Variants in SCGB2B2 observed in about 807,000 individuals in gnomAD.
SCGB2B2 encodes secretoglobin family 2B member 2.
SCGB2B2 carries 11 observed loss-of-function variants against 7.6 expected under a neutral mutation model. The ratio of observed to expected loss-of-function variants is 1.45; its 90% CI spans 0.91 to 2.40. SCGB2B2 has a LOEUF of 2.40. Ranked by LOEUF, SCGB2B2 falls within the 30% of genes most tolerant of loss-of-function variation. The probability of loss-of-function intolerance (pLI) is 0.00; values close to 1 mark genes in which losing one functional copy is unlikely to be tolerated. For synonymous variants in SCGB2B2, 50 were observed against 48.6 expected (o/e 1.03, Z -0.12); for missense variants, 104 against 115.4 (o/e 0.90, Z 0.45).
chr19:34,597,990 G>T (rs2145762497), intron 1 of SCGB2B2, among the ~76,000 whole-genome samples: 1 of 152,270 alleles, frequency 6.6e-6, no homozygotes, highest in South Asian at 2.1e-4. Flanking sequence ...AGAGAATGGA[G>T]GGGTCGGGGA....
intron 1 of SCGB2B2, among the ~76,000 whole-genome samples, chr19:34,664,825 C>CT (rs1168401379): frequency 1.3e-5 from 2 of 152,022 alleles, no homozygotes; most frequent in Admixed American, 6.5e-5. Flanking sequence ...CCATCACCCC[C>CT]ACTTAGAGGC....
intron 1 of SCGB2B2, among the ~76,000 whole-genome samples, chr19:34,658,298 A>G (rs2067339025): frequency 6.6e-6 from 1 of 152,212 alleles, no homozygotes; most frequent in South Asian, 2.1e-4. Flanking sequence ...AAAAAAAATC[A>G]ATGAATCCAG....
chr19:34,665,987 T>C (rs533169281), intron 1 of SCGB2B2, among the ~76,000 whole-genome samples: 17 of 152,218 alleles, frequency 1.1e-4, no homozygotes, highest in African/African-American at 3.9e-4. Context: ...CCAGGTCCTC[T>C]GTTCCCTGAC....
chr19:34,643,532 C>G (rs761285054), intron 1 of SCGB2B2, among the ~76,000 whole-genome samples: 18 of 152,082 alleles, frequency 1.2e-4, no homozygotes, highest in Admixed American at 2.0e-4. Context: ...TAACTAACAA[C>G]CAAACATTGT....
At chr19:34,637,723 A>T (rs2066725280) in intron 1 of SCGB2B2, 1 of 151,610 alleles carries the variant, frequency 6.6e-6, no homozygotes, top group Admixed American at 6.6e-5. Flanking sequence ...TAAGGCAAAA[A>T]CTCTCTCTAG....
intron 1 of SCGB2B2, chr19:34,634,695 AT>A (rs996529819): frequency 9.0e-4 from 137 of 151,592 alleles, no homozygotes; most frequent in East Asian, 4.3e-3. Context: ...CTCCAGTGTG[AT>A]TTTTTTTTTA....
In SCGB2B2 at chr19:34,593,571, A is replaced by G. The variant is rs888654311; in HGVS notation, c.275T>C (p.Ile92Thr). The G allele has an allele frequency of 7.1e-6, 11 of 1,553,816 alleles. No individual in the cohort carries two copies. Among genetic ancestry groups the G allele is most frequent in the Middle Eastern group, 1.8e-4 (1 of 5,622 alleles). ...IKKILQSNDCIEAAF is the reference protein window; with the variant it reads ...IKKILQSNDCTEAAF ...GTCCTCAGATCAGAAGGCTGCTTCTATGCAATCGTTGCTCTGAAGGATCTT... is the reference window on the plus strand; with the variant it reads ...GTCCTCAGATCAGAAGGCTGCTTCTGTGCAATCGTTGCTCTGAAGGATCTT... Residue 92 changes from isoleucine (I) to threonine (T), a missense_variant, in exon 4 of 4, where the codon ATA becomes ACA. Ile to Thr is a moderately conservative substitution (Grantham distance 89, BLOSUM62 -1). Transcript: ENST00000601241.
At chr19:34,590,342 C>T (rs1254985440), downstream of SCGB2B2, among the ~76,000 whole-genome samples, 1 of 151,942 alleles carries the variant, frequency 6.6e-6, no homozygotes, top group Non-Finnish European at 1.5e-5. Context: ...TTCCATCCAT[C>T]CATGCACTCA....
rs537656704 is a variant in SCGB2B2, at chr19:34,594,157, C to A, written c.246+18G>T. The A allele has an allele frequency of 1.9e-6, 3 of 1,599,500 alleles. No individual in the cohort carries two copies. In the East Asian group the frequency reaches 6.7e-5, roughly 36 times the overall value. On this transcript the variant is annotated intron_variant, in intron 3 of 3. Transcript: ENST00000601241. ...GTGTGGCCATGTAGTGTGTGCAGGT[C>A]CCCCCGGGCACACTCACAATAACAA...
chr19:34,624,851 A>C (rs942308116), intron 1 of SCGB2B2, among the ~76,000 whole-genome samples: 9 of 152,318 alleles, frequency 5.9e-5, no homozygotes, highest in Admixed American at 2.0e-4. Context: ...CTGTCCCCTG[A>C]ATCTTGTAAG....
chr19:34,628,834 C>G (rs907184192), intron 1 of SCGB2B2, among the ~76,000 whole-genome samples: 1 of 151,868 alleles, frequency 6.6e-6, no homozygotes, highest in Non-Finnish European at 1.5e-5. Context: ...AATTTTAGAC[C>G]AATATCGTTG....
chr19:34,625,510 C>A (rs1568434625), intron 1 of SCGB2B2, among the ~76,000 whole-genome samples: 1 of 152,200 alleles, frequency 6.6e-6, no homozygotes, highest in Admixed American at 6.5e-5. Context: ...AACCACGGAG[C>A]CTCGCTCATT....
rs141807458 is a variant in SCGB2B2, at chr19:34,602,532, C to T, written c.-2031-5938G>A. Reference sequence around the variant, plus strand: ...ATGGCCTTTTCTGGATTGCATCATTCGGCTACGTTGCCCTTTGTTTTTTTG... The same window carrying T: ...ATGGCCTTTTCTGGATTGCATCATTTGGCTACGTTGCCCTTTGTTTTTTTG... On this transcript the variant is annotated intron_variant, in intron 1 of 3. Coordinates refer to ENST00000601241, the MANE Select transcript of SCGB2B2 (RefSeq NM_001025591.4). 1.6e-3 allele frequency among the ~76,000 whole-genome samples: 250 copies of T among 152,234 alleles called. 2 individuals carry two copies. The highest frequency in any genetic ancestry group is 5.5e-3 in the African/African-American group (229 of 41,524).
chr19:34,606,513 TTTTC>T (rs765088413), intron 1 of SCGB2B2, among the ~76,000 whole-genome samples: 7 of 143,144 alleles, frequency 4.9e-5, no homozygotes, highest in Non-Finnish European at 6.2e-5. Context: ...TTTCTTTTCT[TTTTC>T]TTTTTTTTTT....
intron 1 of SCGB2B2, among the ~76,000 whole-genome samples, chr19:34,607,415 T>C (rs939882394): frequency 6.6e-6 from 1 of 152,238 alleles, no homozygotes. Flanking sequence ...AATGCTTCAA[T>C]GAACCTAGGG....
chr19:34,625,863 A>G (rs1001680112), intron 1 of SCGB2B2, among the ~76,000 whole-genome samples: 1 of 152,178 alleles, frequency 6.6e-6, no homozygotes, highest in Non-Finnish European at 1.5e-5. Context: ...AATGGGAGGC[A>G]CCCACCAGTA....
At chr19:34,590,389 CCATCCATT>C (rs56239676), downstream of SCGB2B2, among the ~76,000 whole-genome samples, 50,132 of 151,464 alleles carry the variant, frequency 0.33, 10,260 homozygotes, top group Admixed American at 0.47. Context: ...GTTCATCCAT[CCATCCATT>C]CATCCATTCA....
At chr19:34,623,012 A>G (rs1439703138) in intron 1 of SCGB2B2, among the ~76,000 whole-genome samples, 3 of 151,688 alleles carry the variant, frequency 2.0e-5, no homozygotes, top group Admixed American at 2.0e-4. Context: ...TACGCATTTG[A>G]AAGAGTTTTC....
intron 1 of SCGB2B2, among the ~76,000 whole-genome samples, chr19:34,662,917 A>G (rs1481453373): frequency 6.6e-6 from 1 of 152,094 alleles, no homozygotes; most frequent in Non-Finnish European, 1.5e-5. Context: ...GGCGGCTGAG[A>G]GAGACCCTGT....
Sources: gnomAD v4.1 joint callset for allele counts (sites outside exome capture counted in the v4.1 genomes callset) on GRCh38, gnomAD v4.1.1 for gene constraint, MANE v1.5 for transcripts, NCBI Gene and HGNC (gene_info 2026-07-23, HGNC 2026-07-21) for gene names.